GABRG1: variants seen among roughly 807,000 people sequenced by gnomAD.
GABRG1 encodes the protein gamma-aminobutyric acid receptor subunit gamma-1.
Under a neutral mutation model 49.8 loss-of-function variants are expected in GABRG1, and 49 were observed. The ratio of observed to expected loss-of-function variants is 0.98; its 90% CI spans 0.78 to 1.25. The LOEUF is 1.25. Ranked by LOEUF, GABRG1 falls within the 50% of genes most tolerant of loss-of-function variation. The pLI is 0.00. For synonymous variants in GABRG1, 232 were observed against 185.1 expected (o/e 1.25, Z -2.06); for missense variants, 552 against 552.3 (o/e 1.00, Z 0.01).
chr4:46,055,030 A>T lies in GABRG1; in HGVS notation c.916+3187T>A, dbSNP rs1197954036. ...GAAAACCTAGGCATTACCATTCAGGACATAGGCGTGGGCAAGGACTTCATG... is the reference window on the plus strand; with the variant it reads ...GAAAACCTAGGCATTACCATTCAGGTCATAGGCGTGGGCAAGGACTTCATG... On this transcript the variant is annotated intron_variant, in intron 7 of 8. Transcript: ENST00000295452. Among the ~76,000 whole-genome samples, 5 of 89,702 alleles carry T rather than the reference A, an allele frequency of 5.6e-5. 2 individuals carry two copies. Among genetic ancestry groups the T allele is most frequent in the Non-Finnish European group, 1.1e-4 (5 of 46,092 alleles). 58.8% of individuals were successfully genotyped at this position (89,702 alleles called of 152,430 possible). A position where few individuals can be genotyped will look rare whatever the true frequency, so the allele number is the denominator to read the frequency against.
Position 46,080,020 on chromosome 4 carries a change from T to C in GABRG1, c.321+3966A>G, listed in dbSNP as rs569478724. Among the ~76,000 whole-genome samples the C allele has an allele frequency of 4.6e-5, 7 of 152,014 alleles. No homozygotes were observed. In the South Asian group the frequency reaches 1.5e-3, roughly 31 times the overall value. On this transcript the variant is annotated intron_variant, in intron 3 of 8. Coordinates refer to ENST00000295452, the MANE Select transcript of GABRG1 (RefSeq NM_173536.4). ...GCTTCTTTCCAAGTTACTCTATTTT[T>C]CCCCAGTCTTCATTAGTGCATCTGT... is the stretch of plus-strand genomic sequence containing the variant.
chr4:46,098,398 G>A (rs764842137), intron 1 of GABRG1, among the ~76,000 whole-genome samples: 2 of 151,452 alleles, frequency 1.3e-5, no homozygotes, highest in African/African-American at 2.4e-5. Flanking sequence ...CACTAACATT[G>A]GTAAAATCAA....
chr4:46,094,495 G>A lies in GABRG1; in HGVS notation c.253+2706C>T, dbSNP rs142123555. Among the ~76,000 whole-genome samples the A allele has an allele frequency of 3.9e-4, 59 of 152,070 alleles. 1 individual carries two copies. The highest frequency in any genetic ancestry group is 1.6e-3 in the East Asian group (8 of 5,134). ...CATTAATATGAAAGTATTTAAACAT[G>A]TATTTGGAAACCAGCACAAGAACTA... On this transcript the variant is annotated intron_variant, in intron 2 of 8. Transcript: ENST00000295452.
At chr4:46,122,102 G>A (rs1372516189) in intron 1 of GABRG1, among the ~76,000 whole-genome samples, 1 of 152,032 alleles carries the variant, frequency 6.6e-6, no homozygotes, top group Non-Finnish European at 1.5e-5. Context: ...CTTGACACAT[G>A]AGATCATGTC....
chr4:46,062,516 T>G (rs1475286610), intron 5 of GABRG1, among the ~76,000 whole-genome samples: 1 of 152,172 alleles, frequency 6.6e-6, no homozygotes, highest in Non-Finnish European at 1.5e-5. Flanking sequence ...TTCCTATTTC[T>G]CCACATCCTC....
intron 8 of GABRG1, among the ~76,000 whole-genome samples, chr4:46,047,987 T>C (rs1454576596): frequency 2.0e-5 from 3 of 151,996 alleles, no homozygotes; most frequent in Non-Finnish European, 4.4e-5. Flanking sequence ...AAACTAAAAA[T>C]AAGTAAGTTC....
In GABRG1 at chr4:46,038,959, A is replaced by G. The variant is rs1213834057; in HGVS notation, c.*2029T>C. On this transcript the variant is annotated 3_prime_UTR_variant, in exon 9 of 9. Coordinates refer to ENST00000295452, the MANE Select transcript of GABRG1 (RefSeq NM_173536.4). ...TGGTTCAGAAGGAAAAGCTATTTAT[A>G]TCAAGCACTTTTAAGTATTTTAAAA... 2 of 151,714 alleles carry G rather than the reference A, an allele frequency of 1.3e-5. No individual in the cohort carries two copies. The highest frequency in any genetic ancestry group is 4.8e-5 in the African/African-American group (2 of 41,416). 9.4% of individuals were successfully genotyped at this position (151,714 alleles called of 1,614,324 possible).
intron 3 of GABRG1, among the ~76,000 whole-genome samples, chr4:46,070,683 G>A (rs539596416): frequency 2.6e-5 from 4 of 152,182 alleles, no homozygotes; most frequent in African/African-American, 9.6e-5. Context: ...GTTGAATCAT[G>A]TGATATTGTA....
chr4:46,074,220 C>G (rs1395263383), intron 3 of GABRG1, among the ~76,000 whole-genome samples: 1 of 152,094 alleles, frequency 6.6e-6, no homozygotes, highest in Non-Finnish European at 1.5e-5. Flanking sequence ...CTGTGACTGC[C>G]CTGTACTAAA....
intron 2 of GABRG1, among the ~76,000 whole-genome samples, chr4:46,087,003 C>T (rs1577656514): frequency 6.6e-6 from 1 of 151,812 alleles, no homozygotes; most frequent in South Asian, 2.1e-4. Flanking sequence ...CTGTTTTTAC[C>T]TGCAAATAAT....
At chr4:46,118,289 T>A (rs1412786668) in intron 1 of GABRG1, among the ~76,000 whole-genome samples, 1 of 148,712 alleles carries the variant, frequency 6.7e-6, no homozygotes, top group Non-Finnish European at 1.5e-5. Flanking sequence ...TACCTACCTA[T>A]CTAGATGTAT....
At chr4:46,111,895 A>C (rs770613981) in intron 1 of GABRG1, among the ~76,000 whole-genome samples, 1 of 151,308 alleles carries the variant, frequency 6.6e-6, no homozygotes, top group Non-Finnish European at 1.5e-5. Context: ...ATCCTACAAG[A>C]AAACCTAGGA....
chr4:46,056,133 A>AT, intron 7 of GABRG1, among the ~76,000 whole-genome samples: 1 of 127,458 alleles, frequency 7.8e-6, no homozygotes, highest in Non-Finnish European at 1.6e-5. Context: ...GGAAAAAAAA[A>AT]AAAATAAATA....
chr4:46,086,874 T>C (rs1278051231), intron 2 of GABRG1, among the ~76,000 whole-genome samples: 1 of 151,662 alleles, frequency 6.6e-6, no homozygotes, highest in Non-Finnish European at 1.5e-5. Flanking sequence ...ATATTTTCTT[T>C]TATTGTGAAA....
intron 1 of GABRG1, among the ~76,000 whole-genome samples, chr4:46,105,463 T>C (rs1171008532): frequency 6.6e-6 from 1 of 151,472 alleles, no homozygotes; most frequent in Non-Finnish European, 1.5e-5. Context: ...CTTCATATCT[T>C]GGCTGCCTGT....
At chr4:46,115,695 T>C (rs535767553) in intron 1 of GABRG1, among the ~76,000 whole-genome samples, 16 of 150,862 alleles carry the variant, frequency 1.1e-4, no homozygotes, top group African/African-American at 1.9e-4. Flanking sequence ...CTTGGTAGGA[T>C]TGAAGATATA....
Position 46,038,821 on chromosome 4 carries a change from T to C in GABRG1, c.*2167A>G, listed in dbSNP as rs945407242. ...ATGGTATATACAAGGAAAGGCATCT[T>C]TCATATATTTACAAATTTTATTTCC... On this transcript the variant is annotated 3_prime_UTR_variant, in exon 9 of 9. Transcript: ENST00000295452. 1.3e-5 allele frequency: 2 copies of C among 151,752 alleles called. No homozygotes were observed. Among genetic ancestry groups the C allele is most frequent in the South Asian group, 2.1e-4 (1 of 4,830 alleles). 9.4% of individuals were successfully genotyped at this position (151,752 alleles called of 1,614,324 possible).
At chr4:46,099,723 T>C (rs1484525450) in intron 1 of GABRG1, among the ~76,000 whole-genome samples, 1 of 151,666 alleles carries the variant, frequency 6.6e-6, no homozygotes, top group African/African-American at 2.4e-5. Flanking sequence ...CTAAAGTACA[T>C]AGAATGTGCT....
At chr4:46,092,610 T>C (rs536369682) in intron 2 of GABRG1, among the ~76,000 whole-genome samples, 1 of 151,788 alleles carries the variant, frequency 6.6e-6, no homozygotes, top group Non-Finnish European at 1.5e-5. Context: ...TATTCAATAA[T>C]TACCTTAAAC....
Sources: gnomAD v4.1 joint callset for allele counts (sites outside exome capture counted in the v4.1 genomes callset) on GRCh38, gnomAD v4.1.1 for gene constraint, MANE v1.5 for transcripts, NCBI Gene and HGNC (gene_info 2026-07-23, HGNC 2026-07-21) for gene names.